Variants in SLC22A23 observed in about 807,000 individuals in gnomAD.
The protein encoded by SLC22A23 is ion transporter protein.
A neutral mutation model predicts 61.0 loss-of-function variants in SLC22A23; 26 were observed. The ratio of observed to expected loss-of-function variants is 0.43; its 90% CI spans 0.31 to 0.59. The LOEUF (loss-of-function observed/expected upper bound fraction) is 0.59, where lower values mean the gene tolerates loss of function less well. Ranked by LOEUF, SLC22A23 falls within the 20% of genes least tolerant of loss-of-function variation. The pLI is 0.11. For synonymous variants in SLC22A23, 430 were observed against 413.9 expected (o/e 1.04, Z -0.47); for missense variants, 796 against 934.7 (o/e 0.85, Z 1.94).
chr6:3,362,665 C>T (rs1248129842), intron 3 of SLC22A23, among the ~76,000 whole-genome samples: 1 of 152,002 alleles, frequency 6.6e-6, no homozygotes, highest in Non-Finnish European at 1.5e-5. Flanking sequence ...CCCAAGATGC[C>T]ATCTACAAAT....
Position 3,335,627 on chromosome 6 carries a change from G to A in SLC22A23, c.914-11625C>T, listed in dbSNP as rs112478701. Among the ~76,000 whole-genome samples, 988 of 152,288 alleles carry A rather than the reference G, an allele frequency of 6.5e-3. 13 individuals carry two copies. The highest frequency in any genetic ancestry group is 0.022 in the African/African-American group (916 of 41,570). ...GTATCACATGCATGCCCTGCTGCAT[G>A]CACAGCTTGGACTGGCAAATAGATG... is the stretch of plus-strand genomic sequence containing the variant. On this transcript the variant is annotated intron_variant, in intron 3 of 9. Transcript: ENST00000406686.
At chr6:3,282,419 A>AG (rs1404068392) in intron 9 of SLC22A23, 1 of 663,378 alleles carries the variant, frequency 1.5e-6, no homozygotes, top group African/African-American at 1.8e-5. Flanking sequence ...CTGGGCCTGT[A>AG]GGATACGATC....
At chr6:3,428,324 G>A (rs746233774) in intron 1 of SLC22A23, among the ~76,000 whole-genome samples, 1 of 152,148 alleles carries the variant, frequency 6.6e-6, no homozygotes, top group Non-Finnish European at 1.5e-5. Flanking sequence ...GACAGGCCTC[G>A]GATGGCCAGC....
At chr6:3,285,246 C>T in intron 7 of SLC22A23, 135 bp from the exon 8 acceptor site, 1 of 1,250,816 alleles carries the variant, frequency 8.0e-7, no homozygotes, top group Non-Finnish European at 1.1e-6. Context: ...CCTTCCGTGT[C>T]TGGGATGGCG....
At chr6:3,397,004 C>T (rs1016800369) in intron 3 of SLC22A23, among the ~76,000 whole-genome samples, 11 of 152,080 alleles carry the variant, frequency 7.2e-5, no homozygotes, top group African/African-American at 2.2e-4. Context: ...AAGAGCACCC[C>T]GTCACGCACG....
chr6:3,376,259 G>A (rs1766555186), intron 3 of SLC22A23, among the ~76,000 whole-genome samples: 1 of 152,114 alleles, frequency 6.6e-6, no homozygotes, highest in South Asian at 2.1e-4. Flanking sequence ...TCATTTCAAC[G>A]TCTGATTTGA....
chr6:3,319,136 G>C (rs902425805), intron 4 of SLC22A23, among the ~76,000 whole-genome samples: 8 of 152,178 alleles, frequency 5.3e-5, no homozygotes, highest in Admixed American at 6.5e-5. Context: ...AGACCCTCCA[G>C]TGCATCTTTA....
intron 3 of SLC22A23, among the ~76,000 whole-genome samples, chr6:3,353,582 A>G (rs1404399689): frequency 6.6e-6 from 1 of 152,152 alleles, no homozygotes; most frequent in Non-Finnish European, 1.5e-5. Flanking sequence ...TCAGCTGCAA[A>G]TCACAAGACT....
rs1195324767 is a variant in SLC22A23, at chr6:3,342,950, A to G, written c.914-18948T>C. Among the ~76,000 whole-genome samples, 1 of 152,228 alleles carries G rather than the reference A, an allele frequency of 6.6e-6. No individual in the cohort carries two copies. The highest frequency in any genetic ancestry group is 2.4e-5 in the African/African-American group (1 of 41,464). On this transcript the variant is annotated intron_variant, in intron 3 of 9. Transcript: ENST00000406686. The surrounding 1 kb of genome is among the most constrained non-coding windows in gnomAD (Gnocchi z 4.0). ...GGGTTAGGATTTCAAGAGACAAGAA[A>G]TAGTGGGAAATGACAGAGAAATACA...
intron 4 of SLC22A23, among the ~76,000 whole-genome samples, chr6:3,299,984 A>T (rs1051861676): frequency 6.8e-6 from 1 of 148,068 alleles, no homozygotes; most frequent in Non-Finnish European, 1.5e-5. Flanking sequence ...CCTGCTTTGC[A>T]AGCTCAGGAT....
rs1369581765 is a variant in SLC22A23, at chr6:3,427,808, GAACT to G, written c.655-11957_655-11954del. On this transcript the variant is annotated intron_variant, in intron 1 of 9. Coordinates refer to ENST00000406686, the MANE Select transcript of SLC22A23 (RefSeq NM_015482.2). This position sits in a 1 kb window ranked among gnomAD's most constrained non-coding sequence, Gnocchi z 4.3. ...GAGTGTGTTTTTATTTTCTTCCTTT[GAACT>G]AACTATTAATCTTCTAAAAACACCG... Among the ~76,000 whole-genome samples the G allele has an allele frequency of 6.6e-6, 1 of 152,058 alleles. No homozygotes were observed. The highest frequency in any genetic ancestry group is 2.4e-5 in the African/African-American group (1 of 41,384).
At chr6:3,315,826 T>C (rs1285179944) in intron 4 of SLC22A23, among the ~76,000 whole-genome samples, 1 of 151,552 alleles carries the variant, frequency 6.6e-6, no homozygotes, top group Non-Finnish European at 1.5e-5. Flanking sequence ...ATCACGCCAC[T>C]GCACTCCAGC....
rs187931339 is a variant in SLC22A23, at chr6:3,384,940, T to C, written c.913+25248A>G. ...GGATTCTCATATCTGCTGCAACATG[T>C]CTGAACATGGAGGACATTATGCTCA... On this transcript the variant is annotated intron_variant, in intron 3 of 9. Coordinates refer to ENST00000406686, the MANE Select transcript of SLC22A23 (RefSeq NM_015482.2). Among the ~76,000 whole-genome samples the C allele has an allele frequency of 6.6e-3, 1,002 of 152,278 alleles. 4 individuals are homozygous for C. The highest frequency in any genetic ancestry group is 0.012 in the Non-Finnish European group (808 of 68,026).
At chr6:3,415,706 T>C (rs1344305183) in intron 2 of SLC22A23, 46 bp downstream of exon 2, 1 of 1,317,542 alleles carries the variant, frequency 7.6e-7, no homozygotes, top group South Asian at 1.3e-5. Context: ...AGCAAAGGCG[T>C]GCTGTGGCCT....
chr6:3,385,300 G>A (rs1483632562), intron 3 of SLC22A23, among the ~76,000 whole-genome samples: 1 of 152,116 alleles, frequency 6.6e-6, no homozygotes, highest in African/African-American at 2.4e-5. Context: ...ATCACTTGAG[G>A]CCAGGAGTTT....
In SLC22A23 at chr6:3,406,867, A is replaced by G. The variant is rs976440588; in HGVS notation, c.913+3321T>C. On this transcript the variant is annotated intron_variant, in intron 3 of 9. Transcript: ENST00000406686. ...GTACTTTAGAAAAACTCCAAAGCAG[A>G]AAAAAAAAACCTTCAGCAGCCTTGC... Among the ~76,000 whole-genome samples, 5 of 149,964 alleles carry G rather than the reference A, an allele frequency of 3.3e-5. No homozygotes were observed. In the South Asian group the frequency reaches 6.3e-4, roughly 19 times the overall value.
chr6:3,319,940 C>T (rs780700275), intron 4 of SLC22A23, among the ~76,000 whole-genome samples: 8 of 152,208 alleles, frequency 5.3e-5, no homozygotes, highest in African/African-American at 1.2e-4. Context: ...CTTCTGCCCA[C>T]GGTCCAAGGC....
chr6:3,294,762 A>C (rs531777932), intron 5 of SLC22A23, among the ~76,000 whole-genome samples: 3 of 152,324 alleles, frequency 2.0e-5, no homozygotes, highest in Admixed American at 1.3e-4. Flanking sequence ...TCAGGAACAC[A>C]CCCACATATC....
At chr6:3,399,912 C>T (rs1768266142) in intron 3 of SLC22A23, among the ~76,000 whole-genome samples, 1 of 152,168 alleles carries the variant, frequency 6.6e-6, no homozygotes, top group Non-Finnish European at 1.5e-5. Flanking sequence ...GAGTTTTGCT[C>T]TTGTTGCCCA....
Sources: allele counts gnomAD v4.1 joint callset (sites outside exome capture counted in the v4.1 genomes callset), GRCh38; gene constraint gnomAD v4.1.1; non-coding constraint Gnocchi (gnomAD v3.1); transcripts MANE v1.5; gene names NCBI Gene and HGNC (gene_info 2026-07-23, HGNC 2026-07-21).